Variants in GFER observed in about 807,000 individuals in gnomAD.
GFER encodes the protein growth factor, augmenter of liver regeneration.
Under a neutral mutation model 18.2 loss-of-function variants are expected in GFER, and 24 were observed. The observed-to-expected ratio is 1.32, with a 90% CI of 0.96 to 1.86. The LOEUF is 1.86. GFER is among the 40% of genes most tolerant of loss of function. GFER has a pLI of 0.00. For missense variants in GFER, 316 were observed against 295.6 expected, an observed-to-expected ratio of 1.07 and a Z score of -0.51; for synonymous variants, 138 against 126.9, an observed-to-expected ratio of 1.09 and a Z score of -0.59.
In GFER at chr16:1,984,784, G is replaced by C; in HGVS notation, c.296G>C (p.Arg99Pro). Reference protein sequence around the residue: ...TKFREDCPPDREELGRHSWAV... With the variant: ...TKFREDCPPDPEELGRHSWAV... ...TTTAGGGAGGACTGCCCGCCGGATC[G>C]CGAGGAACTGGGCCGCCACAGCTGG... is the stretch of plus-strand genomic sequence containing the variant. The change falls in exon 2 of 3, where the codon CGC (arginine) becomes CCC (proline). Residue 99 changes from arginine (R) to proline (P), a missense_variant. Transcript: ENST00000248114. 1 of 1,611,906 alleles carries C rather than the reference G, an allele frequency of 6.2e-7. No homozygotes were observed. The highest frequency in any genetic ancestry group is 8.5e-7 in the Non-Finnish European group (1 of 1,179,992).
At chr16:1,984,622 T>G in intron 1 of GFER, 125 bp from the exon 2 acceptor site, 4 of 1,326,072 alleles carry the variant, frequency 3.0e-6, no homozygotes, top group Non-Finnish European at 4.3e-6. Context: ...CATCCGCGCG[T>G]GGGTTGGATC....
In GFER at chr16:1,984,255, G is replaced by C; in HGVS notation, c.37G>C (p.Gly13Arg). 6.8e-7 allele frequency: 1 copy of C among 1,479,074 alleles called. No individual in the cohort carries two copies. The highest frequency in any genetic ancestry group is 8.9e-7 in the Non-Finnish European group (1 of 1,122,274). The allele number at this position is 1,479,074 out of a possible 1,614,324, so 91.6% of individuals were successfully genotyped here. A position where few individuals can be genotyped will look rare whatever the true frequency, so the allele number is the denominator to read the frequency against. ...CGGCGAGCGGGGCCGCTTCCACGGC[G>C]GGAACCTCTTCTTCCTGCCGGGGGG... ...APGERGRFHG[G>R]NLFFLPGGAR... The change falls in exon 1 of 3, where the codon GGG becomes CGG. Residue 13 changes from glycine (G) to arginine (R), a missense_variant. Gly to Arg is a moderately radical substitution (Grantham distance 125). Transcript: ENST00000248114.
In GFER at chr16:1,984,201, A is replaced by C. The variant is rs1287948767; in HGVS notation, c.-18A>C. The C allele has an allele frequency of 1.4e-6, 2 of 1,466,360 alleles. No individual in the cohort carries two copies. The highest frequency in any genetic ancestry group is 2.4e-5 in the Admixed American group (1 of 41,558). The allele number at this position is 1,466,360 out of a possible 1,614,324, so 90.8% of individuals were successfully genotyped here. ...CATCTGGAGGCCGAGCTGACCCGGC[A>C]GGCCTTGCGCGGGCAACATGGCGGC... On this transcript the variant is annotated 5_prime_UTR_variant, in exon 1 of 3. Coordinates refer to ENST00000248114, the MANE Select transcript of GFER (RefSeq NM_005262.3).
At chr16:1,985,094 C>A in intron 2 of GFER, 151 bp downstream of exon 2, 1 of 695,506 alleles carries the variant, frequency 1.4e-6, no homozygotes, top group South Asian at 1.5e-5. Context: ...AGGACTGGGG[C>A]TATCTGAGCC....
At position 1,987,585 on chromosome 16, in the gene GFER, C is replaced by G. The variant is rs1400310592; in HGVS notation, c.*1557C>G. On this transcript the variant is annotated 3_prime_UTR_variant, in exon 3 of 3. Transcript: ENST00000248114. ...TGGCCTTTCCCGAGGCCTGTGAGTGCCTCAGGAAGCAGCTGGGCCCTCTGG... is the reference window on the plus strand; with the variant it reads ...TGGCCTTTCCCGAGGCCTGTGAGTGGCTCAGGAAGCAGCTGGGCCCTCTGG... 6.6e-6 allele frequency: 1 copy of G among 152,178 alleles called. No homozygotes were observed. The highest frequency in any genetic ancestry group is 1.5e-5 in the Non-Finnish European group (1 of 68,032). The allele number at this position is 152,178 out of a possible 1,614,324, so 9.4% of individuals were successfully genotyped here.
intron 2 of GFER, 178 bp downstream of exon 2, chr16:1,985,121 G>A (rs2083557332): frequency 3.0e-6 from 2 of 663,776 alleles, no homozygotes; most frequent in Non-Finnish European, 5.5e-6. Flanking sequence ...TCTCGTCTCA[G>A]AAGCCAAGCT....
Position 1,987,335 on chromosome 16 carries a change from C to A in GFER, c.*1307C>A, listed in dbSNP as rs548154709. On this transcript the variant is annotated 3_prime_UTR_variant, in exon 3 of 3. Transcript: ENST00000248114. Reference sequence around the variant, plus strand: ...TCATAAAACTCCAGGGACCTCTATCCTCCAGGAGTCTCAGCCTTTCCCTGG... The same window carrying A: ...TCATAAAACTCCAGGGACCTCTATCATCCAGGAGTCTCAGCCTTTCCCTGG... 51 of 152,562 alleles carry A rather than the reference C, an allele frequency of 3.3e-4. No homozygotes were observed. Among genetic ancestry groups the A allele is most frequent in the African/African-American group, 1.2e-3 (49 of 41,578 alleles). 9.5% of individuals were successfully genotyped at this position (152,562 alleles called of 1,614,324 possible).
intron 1 of GFER, 109 bp from the exon 2 acceptor site, chr16:1,984,638 C>A: frequency 2.2e-6 from 3 of 1,373,072 alleles, no homozygotes; most frequent in Non-Finnish European, 3.1e-6. Flanking sequence ...GGATCGTCTG[C>A]AGGACTTTGG....
Position 1,985,897 on chromosome 16 carries a change from C to A in GFER, c.487C>A (p.Arg163=). 1 of 1,612,892 alleles carries A rather than the reference C, an allele frequency of 6.2e-7. No individual in the cohort carries two copies. Among genetic ancestry groups the A allele is most frequent in the African/African-American group, 1.3e-5 (1 of 75,064 alleles). The part of the protein sequence containing the change: ...LCRNHPDTRT[R]ACFTQWLCHL... ...CAGGAACCACCCAGACACCCGCACC[C>A]GGGCATGCTTCACACAGTGGCTGTG... Residue 163 remains arginine (R), a synonymous_variant, in exon 3 of 3, where the codon CGG becomes AGG. Coordinates refer to ENST00000248114, the MANE Select transcript of GFER (RefSeq NM_005262.3).
chr16:1,985,818 A>C, intron 2 of GFER, 48 bp from the exon 3 acceptor site: 1 of 1,528,960 alleles, frequency 6.5e-7, no homozygotes, highest in Non-Finnish European at 9.0e-7. Context: ...TGGCAGGGGC[A>C]GTGGAGCCGC....
rs2083566707 is a variant in GFER, at chr16:1,986,166, G to A, written c.*138G>A. 1 of 877,796 alleles carries A rather than the reference G, an allele frequency of 1.1e-6. No homozygotes were observed. The highest frequency in any genetic ancestry group is 1.8e-6 in the Non-Finnish European group (1 of 543,324). 54.4% of individuals were successfully genotyped at this position (877,796 alleles called of 1,614,324 possible). ...CCCAGGACACTGCCTGTGGGGACCT[G>A]CCCTGCCCCTCTTAGGTTTGGAGCA... On this transcript the variant is annotated 3_prime_UTR_variant, in exon 3 of 3. Coordinates refer to ENST00000248114, the MANE Select transcript of GFER (RefSeq NM_005262.3).
chr16:1,985,279 TA>T (rs1276545119), intron 2 of GFER, among the ~76,000 whole-genome samples: 2 of 152,276 alleles, frequency 1.3e-5, no homozygotes, highest in African/African-American at 2.4e-5. Context: ...CTTCTGGTTT[TA>T]AAATCTTGGA....
Position 1,986,249 on chromosome 16 carries a change from G to A in GFER, c.*221G>A. On this transcript the variant is annotated 3_prime_UTR_variant, in exon 3 of 3. Transcript: ENST00000248114. ...GCCCCCTCCTCAGTGGAGACCCCAA[G>A]GAGCTGCAGCTGAACTGCAGGGGAG... 1 of 585,492 alleles carries A rather than the reference G, an allele frequency of 1.7e-6. No individual in the cohort carries two copies. The highest frequency in any genetic ancestry group is 3.1e-6 in the Non-Finnish European group (1 of 322,898). 36.3% of individuals were successfully genotyped at this position (585,492 alleles called of 1,614,324 possible).
At chr16:1,985,004 TGAC>T in intron 2 of GFER, 61 bp downstream of exon 2, 1 of 1,316,888 alleles carries the variant, frequency 7.6e-7, no homozygotes, top group Non-Finnish European at 1.1e-6. Flanking sequence ...GGCTCCTGGC[TGAC>T]GTTATAGCGG....
Position 1,986,102 on chromosome 16 carries a change from C to T in GFER, c.*74C>T, listed in dbSNP as rs150953401. 193 of 1,449,048 alleles carry T rather than the reference C, an allele frequency of 1.3e-4. No individual in the cohort carries two copies. In the African/African-American group the frequency reaches 2.2e-3, roughly 17 times the overall value. 89.8% of individuals were successfully genotyped at this position (1,449,048 alleles called of 1,614,324 possible). ...TAGGGGCAGGGCACTCATTAAAGTG[C>T]ATCACAGCCAGAGCCTGTTGTGTCT... is the stretch of plus-strand genomic sequence containing the variant. On this transcript the variant is annotated 3_prime_UTR_variant, in exon 3 of 3. Transcript: ENST00000248114.
rs36041021 is a variant in GFER, at chr16:1,985,906, T to G, written c.496T>G (p.Phe166Val). The change falls in exon 3 of 3, where the codon TTC becomes GTC. Residue 166 changes from phenylalanine to valine, a missense_variant. Phe to Val is a conservative substitution (Grantham distance 50). Coordinates refer to ENST00000248114, the MANE Select transcript of GFER (RefSeq NM_005262.3). ...CCCAGACACCCGCACCCGGGCATGCTTCACACAGTGGCTGTGCCACCTGCA... is the reference window on the plus strand; with the variant it reads ...CCCAGACACCCGCACCCGGGCATGCGTCACACAGTGGCTGTGCCACCTGCA... ...NHPDTRTRAC[F>V]TQWLCHLHNE... 13 of 1,612,848 alleles carry G rather than the reference T, an allele frequency of 8.1e-6. No homozygotes were observed. The highest frequency in any genetic ancestry group is 1.1e-5 in the Non-Finnish European group (13 of 1,179,970).
At chr16:1,985,629 G>A (rs1193398832) in intron 2 of GFER, among the ~76,000 whole-genome samples, 2 of 152,210 alleles carry the variant, frequency 1.3e-5, no homozygotes, top group Admixed American at 6.5e-5. Flanking sequence ...TTGAGGCCTC[G>A]TTGGAGTTTG....
rs2083562183 is a variant in GFER at position 1,985,737 on chromosome 16, G to C, written c.456-129G>C. The C allele has an allele frequency of 9.1e-6, 8 of 878,852 alleles. No homozygotes were observed. In the South Asian group the frequency reaches 1.1e-4, roughly 12 times the overall value. The allele number at this position is 878,852 out of a possible 1,614,324, so 54.4% of individuals were successfully genotyped here. On this transcript the variant is annotated intron_variant, in intron 2 of 2. Transcript: ENST00000248114. ...GTTCTGGGAGTGCCTGTACCTTGGAGCATAAGGGCACTCCCAGGTGTAGTT... is the reference window on the plus strand; with the variant it reads ...GTTCTGGGAGTGCCTGTACCTTGGACCATAAGGGCACTCCCAGGTGTAGTT...
In GFER at chr16:1,984,293, G is replaced by A; in HGVS notation, c.75G>A (p.Glu25=). ...LFFLPGGARS[E]MMDDLATDAR... ...TCCTGCCGGGGGGCGCGCGCTCCGA[G>A]ATGATGGACGACCTGGCGACCGACG... is the stretch of plus-strand genomic sequence containing the variant. The change falls in exon 1 of 3, where the codon GAG becomes GAA. Residue 25 remains glutamate, a synonymous_variant. Coordinates refer to ENST00000248114, the MANE Select transcript of GFER (RefSeq NM_005262.3). 6.7e-7 allele frequency: 1 copy of A among 1,483,242 alleles called. No homozygotes were observed. 91.9% of individuals were successfully genotyped at this position (1,483,242 alleles called of 1,614,324 possible).
Sources: allele counts gnomAD v4.1 joint callset (sites outside exome capture counted in the v4.1 genomes callset), GRCh38; gene constraint gnomAD v4.1.1; transcripts MANE v1.5; gene names NCBI Gene and HGNC (gene_info 2026-07-23, HGNC 2026-07-21).